FBN3: variants seen among roughly 807,000 people sequenced by gnomAD.
The protein encoded by FBN3 is fibrillin-3.
FBN3 carries 234 observed loss-of-function variants against 330.1 expected under a neutral mutation model. That is an observed-to-expected ratio of 0.71 (90% CI 0.64 to 0.79). The LOEUF is 0.79. Among genes scored for constraint, FBN3 ranks in the 30% least tolerant of loss-of-function variants. The pLI, the probability that FBN3 is intolerant of heterozygous loss-of-function variation, is 0.00. For synonymous variants in FBN3, 1,458 were observed against 1,517.3 expected, an observed-to-expected ratio of 0.96 and a Z score of 0.91; for missense variants, 3,606 against 3,886.9, an observed-to-expected ratio of 0.93 and a Z score of 1.92.
intron 63 of FBN3, among the ~76,000 whole-genome samples, 188 bp downstream of exon 63, chr19:8,071,860 A>G (rs938841349): frequency 4.0e-5 from 6 of 151,418 alleles, no homozygotes; most frequent in Admixed American, 2.0e-4. Flanking sequence ...ACCCCCCCCA[A>G]GAAAAATCCC....
chr19:8,111,769 G>A lies in FBN3; in HGVS notation c.3963C>T (p.Asp1321=). Residue 1321 remains aspartate (D), a splice_region_variant and synonymous_variant, in exon 32 of 64, where the codon GAC becomes GAT. Transcript: ENST00000600128. ...GCTCCTGGGAGACGCATTCATCCAG[G>A]TCTGCAGGAGATGGAGCCCAGACCC... ...GWVGDGFECH[D]LDECVSQEHR... 6.2e-7 allele frequency: 1 copy of A among 1,612,330 alleles called. No individual in the cohort carries two copies. The highest frequency in any genetic ancestry group is 8.5e-7 in the Non-Finnish European group (1 of 1,178,914).
Position 8,109,154 on chromosome 19 carries a change from C to T in FBN3, c.4618+73G>A. 1.4e-6 allele frequency: 2 copies of T among 1,470,038 alleles called. No individual in the cohort carries two copies. The highest frequency in any genetic ancestry group is 9.3e-7 in the Non-Finnish European group (1 of 1,076,032). The allele number at this position is 1,470,038 out of a possible 1,614,324, so 91.1% of individuals were successfully genotyped here. A position where few individuals can be genotyped will look rare whatever the true frequency, so the allele number is the denominator to read the frequency against. On this transcript the variant is annotated intron_variant, in intron 36 of 63. Coordinates refer to ENST00000600128, the MANE Select transcript of FBN3 (RefSeq NM_032447.5). This position sits in a 1 kb window ranked among gnomAD's most constrained non-coding sequence, Gnocchi z 5.2. ...CTAAGCCCCCCACCACCGCCATTAG[C>T]AGAGGTGACCCCCTAAGCTCCCGGG...
At chr19:8,072,912 G>A (rs983816427) in intron 62 of FBN3, 151 bp downstream of exon 62, 1 of 665,492 alleles carries the variant, frequency 1.5e-6, no homozygotes, top group Non-Finnish European at 2.6e-6. Flanking sequence ...GCAAATGCCT[G>A]CATGCACAGG....
chr19:8,069,938 T>C (rs1195867723), intron 63 of FBN3, among the ~76,000 whole-genome samples: 3 of 152,208 alleles, frequency 2.0e-5, no homozygotes, highest in South Asian at 4.1e-4. Flanking sequence ...ACCCCATCTC[T>C]ACTAAAAATA....
intron 63 of FBN3, among the ~76,000 whole-genome samples, chr19:8,070,665 G>A (rs1308276774): frequency 6.6e-6 from 1 of 152,186 alleles, no homozygotes; most frequent in Non-Finnish European, 1.5e-5. Context: ...TTCAAGTTCT[G>A]TAACTTGGGC....
rs999599613 is a variant in FBN3 at position 8,083,426 on chromosome 19, G to C, written c.7088-54C>G. Reference sequence around the variant, plus strand: ...TGGCTGGCTGCTTCGCGCCTCCACCGAGGAATGTCTCCTTCTCTCTGCCCA... The same window carrying C: ...TGGCTGGCTGCTTCGCGCCTCCACCCAGGAATGTCTCCTTCTCTCTGCCCA... On this transcript the variant is annotated intron_variant, in intron 56 of 63. Coordinates refer to ENST00000600128, the MANE Select transcript of FBN3 (RefSeq NM_032447.5). The C allele has an allele frequency of 3.7e-6, 6 of 1,602,686 alleles. No individual in the cohort carries two copies. The East Asian group carries it at 1.3e-4, about 36-fold the overall frequency.
Position 8,131,335 on chromosome 19 carries a change from G to C in FBN3, c.1991-47C>G, listed in dbSNP as rs373075513. ...GAGACGGGTCAGGGAGCTTAGCCAT[G>C]GCTCGGATTCAGCCACAGGCAAGGA... On this transcript the variant is annotated intron_variant, in intron 15 of 63. Transcript: ENST00000600128. The surrounding 1 kb of genome is among the most constrained non-coding windows in gnomAD (Gnocchi z 4.5). The C allele has an allele frequency of 7.5e-6, 12 of 1,598,818 alleles. No individual in the cohort carries two copies. In the African/African-American group the frequency reaches 1.6e-4, roughly 21 times the overall value.
rs753822593 is a variant in FBN3 at position 8,122,670 on chromosome 19, CG to C, written c.3082+793del. 3.0e-3 allele frequency among the ~76,000 whole-genome samples: 442 copies of C among 145,404 alleles called. 5 individuals are homozygous for C. The highest frequency in any genetic ancestry group is 5.0e-3 in the African/African-American group (195 of 38,798). On this transcript the variant is annotated intron_variant, in intron 24 of 63. Transcript: ENST00000600128. Reference sequence around the variant, plus strand: ...GTGTGATCCATCGCACCTGGCCCAGCGCCCCCTTTTTTTTTTGAGATGGAGT... The same window carrying C: ...GTGTGATCCATCGCACCTGGCCCAGCCCCCCTTTTTTTTTTGAGATGGAGT...
At position 8,149,063 on chromosome 19, in the gene FBN3, G is replaced by T. The variant is rs1283508946; in HGVS notation, c.-18+386C>A. On this transcript the variant is annotated intron_variant, in intron 1 of 63. Coordinates refer to ENST00000600128, the MANE Select transcript of FBN3 (RefSeq NM_032447.5). The surrounding 1 kb of genome is among the most constrained non-coding windows in gnomAD (Gnocchi z 5.5). ...TGGAATGAATGAGCAGAGAAGGCGC[G>T]CCCGGCACGGGGTGTGGAGGCTGAG... is the stretch of plus-strand genomic sequence containing the variant. 6.6e-6 allele frequency among the ~76,000 whole-genome samples: 1 copy of T among 152,186 alleles called. No homozygotes were observed. The highest frequency in any genetic ancestry group is 1.9e-4 in the East Asian group (1 of 5,192).
At chr19:8,146,645 G>C (rs1312142883) in intron 3 of FBN3, among the ~76,000 whole-genome samples, 1 of 151,928 alleles carries the variant, frequency 6.6e-6, no homozygotes, top group African/African-American at 2.4e-5. Flanking sequence ...CAGAGAGAGA[G>C]AGAATCAGTT....
At position 8,087,943 on chromosome 19, in the gene FBN3, G is replaced by A. The variant is rs1275138654; in HGVS notation, c.6501C>T (p.Ile2167=). The stretch of plus-strand genomic sequence containing the variant: ...GCAGCGGGTTCAGGGAGCATTCGTC[G>A]ATGTCTGGGGAGGCCAGTGGAGGTG... ...EPGLMMTCED[I]DECSLNPLLC... is the part of the protein sequence containing the mutation. Residue 2167 remains isoleucine (I), a synonymous_variant, in exon 53 of 64, where the codon ATC becomes ATT. Coordinates refer to ENST00000600128, the MANE Select transcript of FBN3 (RefSeq NM_032447.5). 1.5e-5 allele frequency: 25 copies of A among 1,614,108 alleles called. No individual in the cohort carries two copies. Among genetic ancestry groups the A allele is most frequent in the South Asian group, 2.2e-5 (2 of 91,076 alleles).
rs2083341406 is a variant in FBN3, at chr19:8,138,547, A to G, written c.883T>C (p.Cys295Arg). 1.9e-6 allele frequency: 3 copies of G among 1,610,756 alleles called. No individual in the cohort carries two copies. The highest frequency in any genetic ancestry group is 2.2e-5 in the East Asian group (1 of 44,866). Residue 295 changes from cysteine to arginine, a missense_variant, in exon 9 of 64, where the codon TGC becomes CGC. Coordinates refer to ENST00000600128, the MANE Select transcript of FBN3 (RefSeq NM_032447.5). Reference sequence around the variant, plus strand: ...CGGCCCCCGAAAAGCACTGAGAAGCAGGCGCCGGCCCGGTAGTCTGCAAAA... The same window carrying G: ...CGGCCCCCGAAAAGCACTGAGAAGCGGGCGCCGGCCCGGTAGTCTGCAAAA... ...AACEDYRAGA[C>R]FSVLFGGRCA...
intron 46 of FBN3, 98 bp from the exon 47 acceptor site, chr19:8,094,663 G>C: frequency 1.4e-6 from 2 of 1,412,558 alleles, no homozygotes; most frequent in Non-Finnish European, 1.9e-6. Context: ...TGATCACTGA[G>C]GGCCCCAGGA....
At position 8,090,090 on chromosome 19, in the gene FBN3, G is replaced by A. The variant is rs2082059938; in HGVS notation, c.6184+9C>T. The A allele has an allele frequency of 1.2e-6, 2 of 1,612,976 alleles. No individual in the cohort carries two copies. Among genetic ancestry groups the A allele is most frequent in the South Asian group, 2.2e-5 (2 of 91,044 alleles). On this transcript the variant is annotated intron_variant, in intron 49 of 63. Coordinates refer to ENST00000600128, the MANE Select transcript of FBN3 (RefSeq NM_032447.5). ...CATCCAGGGAGCCTGGACAGGGGTG[G>A]GCACTCACCGCTGCCCTCCTGGGGA...
rs570520947 is a variant in FBN3, at chr19:8,117,188, G to A, written c.3567C>T (p.Pro1189=). 26 of 1,613,918 alleles carry A rather than the reference G, an allele frequency of 1.6e-5. No individual in the cohort carries two copies. The highest frequency in any genetic ancestry group is 6.7e-5 in the Admixed American group (4 of 59,988). The change falls in exon 28 of 64, where the codon CCC becomes CCT. Residue 1189 remains proline, a synonymous_variant. Transcript: ENST00000600128. ...ACCTACCTGCACATGCCCTTCCGTC[G>A]GGCATCAGCGAGTAGCCCTGCCCAC... ...CSCGQGYSLM[P]DGRACADVDE...
chr19:8,127,201 G>C (rs1183715941), intron 18 of FBN3, among the ~76,000 whole-genome samples: 1 of 151,944 alleles, frequency 6.6e-6, no homozygotes, highest in African/African-American at 2.4e-5. Flanking sequence ...GGGACTACAG[G>C]CATGTGCCAC....
intron 24 of FBN3, among the ~76,000 whole-genome samples, chr19:8,122,816 C>T (rs2082884239): frequency 6.6e-6 from 1 of 151,960 alleles, no homozygotes. Context: ...AGGTGCCTGC[C>T]ACCACGCTGG....
At position 8,081,477 on chromosome 19, in the gene FBN3, A is replaced by G; in HGVS notation, c.7217T>C (p.Met2406Thr). 1 of 1,602,666 alleles carries G rather than the reference A, an allele frequency of 6.2e-7. No individual in the cohort carries two copies. The highest frequency in any genetic ancestry group is 8.5e-7 in the Non-Finnish European group (1 of 1,175,228). The change falls in exon 58 of 64, where the codon ATG (methionine) becomes ACG (threonine). Residue 2406 changes from methionine (M) to threonine (T), a missense_variant. Met to Thr is a moderately conservative substitution (Grantham distance 81). Coordinates refer to ENST00000600128, the MANE Select transcript of FBN3 (RefSeq NM_032447.5). ...PDATATTCLDMDECSQVPKPC... is the reference protein window; with the variant it reads ...PDATATTCLDTDECSQVPKPC... ...CTTGGGGACCTGGCTGCACTCATCC[A>G]TATCTGGGGAAGGACAGCGTGGGTA...
chr19:8,117,527 C>A lies in FBN3; in HGVS notation c.3400G>T (p.Gly1134Cys), dbSNP rs768183863. The change falls in exon 27 of 64, where the codon GGT becomes TGT. Residue 1134 changes from glycine to cysteine, a missense_variant. Physicochemically the swap from Gly to Cys is radical, Grantham distance 159. Transcript: ENST00000600128. ...CPHGQCVNVI[G>C]AFQCSCHAGF... is the part of the protein sequence containing the mutation. ...GCATGGCAGGAGCACTGGAAGGCAC[C>A]GATGACATTGACACACTGGCCATGG... 4 of 1,558,380 alleles carry A rather than the reference C, an allele frequency of 2.6e-6. No homozygotes were observed. In the South Asian group the frequency reaches 4.7e-5, roughly 18 times the overall value.
Sources: allele counts gnomAD v4.1 joint callset (sites outside exome capture counted in the v4.1 genomes callset), GRCh38; gene constraint gnomAD v4.1.1; non-coding constraint Gnocchi (gnomAD v3.1); transcripts MANE v1.5; gene names NCBI Gene and HGNC (gene_info 2026-07-23, HGNC 2026-07-21).